Variants in CCDC85C observed in about 807,000 individuals in gnomAD.
The protein encoded by CCDC85C is coiled-coil domain containing 85C, also known as coiled-coil domain-containing protein 85C.
CCDC85C carries 18 observed loss-of-function variants against 38.3 expected under a neutral mutation model. The observed-to-expected ratio is 0.47, with a 90% CI of 0.33 to 0.70. CCDC85C has a LOEUF of 0.70. CCDC85C is among the 30% of genes least tolerant of loss of function. The pLI is 0.03. For synonymous variants in CCDC85C, 264 were observed against 293.8 expected (o/e 0.90, Z 1.04); for missense variants, 566 against 621.2 (o/e 0.91, Z 0.94).
At position 99,554,386 on chromosome 14, in the gene CCDC85C, G is replaced by A. The variant is rs114260367; in HGVS notation, c.794-18298C>T. On this transcript the variant is annotated intron_variant, in intron 1 of 5. Coordinates refer to ENST00000380243, the MANE Select transcript of CCDC85C (RefSeq NM_001144995.2). ...GCAAGGCCTCCGCCTGAGTGTGCCC[G>A]CCCGGCACAGCAGAAAGCCTGGCAC... Among the ~76,000 whole-genome samples the A allele has an allele frequency of 5.6e-3, 847 of 152,322 alleles. 12 individuals are homozygous for A. The highest frequency in any genetic ancestry group is 0.019 in the African/African-American group (798 of 41,576).
intron 1 of CCDC85C, among the ~76,000 whole-genome samples, chr14:99,585,356 G>A (rs1237383326): frequency 6.6e-6 from 1 of 152,224 alleles, no homozygotes; most frequent in Non-Finnish European, 1.5e-5. Context: ...CAGAGAGGTG[G>A]TGTGGGCAGG....
In CCDC85C at chr14:99,502,469, A is replaced by C; in HGVS notation, c.*12777T>G. 6.7e-7 allele frequency: 1 copy of C among 1,497,586 alleles called. No individual in the cohort carries two copies. The highest frequency in any genetic ancestry group is 1.4e-5 in the African/African-American group (1 of 71,562). 92.8% of individuals were successfully genotyped at this position (1,497,586 alleles called of 1,614,324 possible). On this transcript the variant is annotated 3_prime_UTR_variant, in exon 6 of 6. Transcript: ENST00000380243. The stretch of plus-strand genomic sequence containing the variant: ...GAGTCCCAAGAATGGATTTTCCCAG[A>C]TAGACATATGTGAGCAATATTTCAG...
chr14:99,600,021 G>T lies in CCDC85C; in HGVS notation c.793+3146C>A, dbSNP rs74990534. 1.5e-3 allele frequency among the ~76,000 whole-genome samples: 235 copies of T among 152,330 alleles called. 4 individuals are homozygous for T. The East Asian group carries it at 0.027, about 17-fold the overall frequency. ...CCTCCCACCTCAGCCACTAGAGTCT[G>T]CCCAGGGCACCCAGCAGGGCTGCAA... On this transcript the variant is annotated intron_variant, in intron 1 of 5. Coordinates refer to ENST00000380243, the MANE Select transcript of CCDC85C (RefSeq NM_001144995.2).
At chr14:99,517,301 C>A in intron 3 of CCDC85C, 118 bp from the exon 4 acceptor site, 1 of 780,960 alleles carries the variant, frequency 1.3e-6, no homozygotes, top group Non-Finnish European at 2.0e-6. Context: ...GAAAAGGGGA[C>A]CGGGGTGAGG....
At position 99,500,954 on chromosome 14, in the gene CCDC85C, A is replaced by G. The variant is rs1896808927; in HGVS notation, c.*14292T>C. ...GATGACACTCAAATTACGCTTCTCAAAAGCGGAAAACAAAGTTTGATGTGT... is the reference window on the plus strand; with the variant it reads ...GATGACACTCAAATTACGCTTCTCAGAAGCGGAAAACAAAGTTTGATGTGT... On this transcript the variant is annotated 3_prime_UTR_variant, in exon 6 of 6. Coordinates refer to ENST00000380243, the MANE Select transcript of CCDC85C (RefSeq NM_001144995.2). 2 of 878,284 alleles carry G rather than the reference A, an allele frequency of 2.3e-6. No individual in the cohort carries two copies. Among genetic ancestry groups the G allele is most frequent in the East Asian group, 2.7e-5 (1 of 37,424 alleles). The allele number at this position is 878,284 out of a possible 1,614,324, so 54.4% of individuals were successfully genotyped here.
chr14:99,501,091 C>G lies in CCDC85C; in HGVS notation c.*14155G>C, dbSNP rs956838107. ...TCCAGTTGCCAAGTGATGGGAGAGG[C>G]AGGAAAATGAGGCAGAATTTTTTAA... On this transcript the variant is annotated 3_prime_UTR_variant, in exon 6 of 6. Transcript: ENST00000380243. 18 of 599,088 alleles carry G rather than the reference C, an allele frequency of 3.0e-5. No homozygotes were observed. Among genetic ancestry groups the G allele is most frequent in the African/African-American group, 5.6e-5 (3 of 53,380 alleles). 37.1% of individuals were successfully genotyped at this position (599,088 alleles called of 1,614,324 possible).
At chr14:99,524,398 C>T (rs1031751564) in intron 2 of CCDC85C, among the ~76,000 whole-genome samples, 7 of 151,954 alleles carry the variant, frequency 4.6e-5, no homozygotes, top group African/African-American at 1.2e-4. Context: ...GTGCTGTTAC[C>T]GAAAACGCAG....
At position 99,504,879 on chromosome 14, in the gene CCDC85C, CTA is replaced by C. The variant is rs1896935596; in HGVS notation, c.*10365_*10366del. 6.6e-6 allele frequency: 1 copy of C among 152,198 alleles called. No homozygotes were observed. Among genetic ancestry groups the C allele is most frequent in the Non-Finnish European group, 1.5e-5 (1 of 68,078 alleles). 9.4% of individuals were successfully genotyped at this position (152,198 alleles called of 1,614,324 possible). On this transcript the variant is annotated 3_prime_UTR_variant, in exon 6 of 6. Transcript: ENST00000380243. ...AGGTCTGTCAGAGGCAGGAAACAAA[CTA>C]TATATGACCTTGAAGGAAGAGTTGC...
At chr14:99,552,885 TG>T (rs1297531034) in intron 1 of CCDC85C, among the ~76,000 whole-genome samples, 6 of 152,142 alleles carry the variant, frequency 3.9e-5, no homozygotes, top group Non-Finnish European at 5.9e-5. Context: ...CTTGGCACCG[TG>T]ACATCACTGG....
At chr14:99,570,730 C>G (rs1320956892) in intron 1 of CCDC85C, among the ~76,000 whole-genome samples, 1 of 152,150 alleles carries the variant, frequency 6.6e-6, no homozygotes, top group Non-Finnish European at 1.5e-5. Flanking sequence ...GGCCCCTGAG[C>G]AGAACAGAAA....
Position 99,503,688 on chromosome 14 carries a change from T to G in CCDC85C, c.*11558A>C. ...GTTTTTTTAGTTTTATGTGTTTATA[T>G]GCAAAACTTTAAATTCTTAGCCAAC... On this transcript the variant is annotated 3_prime_UTR_variant, in exon 6 of 6. Transcript: ENST00000380243. The G allele has an allele frequency of 6.8e-7, 1 of 1,475,586 alleles. No homozygotes were observed. The highest frequency in any genetic ancestry group is 9.2e-7 in the Non-Finnish European group (1 of 1,084,032). The allele number at this position is 1,475,586 out of a possible 1,614,324, so 91.4% of individuals were successfully genotyped here. A position where few individuals can be genotyped will look rare whatever the true frequency, so the allele number is the denominator to read the frequency against.
chr14:99,534,982 C>A, intron 2 of CCDC85C: 2 of 464,184 alleles, frequency 4.3e-6, no homozygotes, highest in East Asian at 3.9e-5. Flanking sequence ...CTGCTAATCC[C>A]ACCAGGCCCT....
chr14:99,510,126 G>A lies in CCDC85C; in HGVS notation c.*5120C>T. 6.4e-7 allele frequency: 1 copy of A among 1,573,964 alleles called. No individual in the cohort carries two copies. The highest frequency in any genetic ancestry group is 8.6e-7 in the Non-Finnish European group (1 of 1,165,316). ...TGAAAAAGCAACCATTGCTGGCGGA[G>A]GCCGGGCACTGATGCGTCTCTCTCC... On this transcript the variant is annotated 3_prime_UTR_variant, in exon 6 of 6. Transcript: ENST00000380243.
intron 1 of CCDC85C, among the ~76,000 whole-genome samples, chr14:99,542,363 C>T (rs777009840): frequency 6.6e-6 from 1 of 152,174 alleles, no homozygotes; most frequent in Non-Finnish European, 1.5e-5. Flanking sequence ...CCACCAACTG[C>T]GGGGAGCTCC....
chr14:99,535,505 C>T lies in CCDC85C; in HGVS notation c.867+510G>A, dbSNP rs1356378766. 2.6e-5 allele frequency among the ~76,000 whole-genome samples: 4 copies of T among 152,150 alleles called. No homozygotes were observed. Among genetic ancestry groups the T allele is most frequent in the African/African-American group, 9.7e-5 (4 of 41,426 alleles). ...CACAGCCCCTCACCCAACCCCACCTCCCCCCTACAGCCAACCCCTCCCACG... is the reference window on the plus strand; with the variant it reads ...CACAGCCCCTCACCCAACCCCACCTTCCCCCTACAGCCAACCCCTCCCACG... On this transcript the variant is annotated intron_variant, in intron 2 of 5. Transcript: ENST00000380243. This position sits in a 1 kb window ranked among gnomAD's most constrained non-coding sequence, Gnocchi z 5.5.
chr14:99,553,848 G>T (rs192392349), intron 1 of CCDC85C, among the ~76,000 whole-genome samples: 9 of 152,166 alleles, frequency 5.9e-5, no homozygotes, highest in Non-Finnish European at 1.3e-4. Flanking sequence ...GTCCACCCAC[G>T]GGAACAGCTC....
chr14:99,513,238 G>C lies in CCDC85C; in HGVS notation c.*2008C>G, dbSNP rs976044791. On this transcript the variant is annotated 3_prime_UTR_variant, in exon 6 of 6. Transcript: ENST00000380243. Reference sequence around the variant, plus strand: ...AACCTGACCCAAACATGATGCACACGGGCTCCCAGACTTGGCTGCCACTCA... The same window carrying C: ...AACCTGACCCAAACATGATGCACACCGGCTCCCAGACTTGGCTGCCACTCA... 1 of 152,052 alleles carries C rather than the reference G, an allele frequency of 6.6e-6. No individual in the cohort carries two copies. Among genetic ancestry groups the C allele is most frequent in the African/African-American group, 2.4e-5 (1 of 41,366 alleles). 9.4% of individuals were successfully genotyped at this position (152,052 alleles called of 1,614,324 possible).
At chr14:99,561,814 G>C (rs8014420) in intron 1 of CCDC85C, among the ~76,000 whole-genome samples, 86,022 of 152,092 alleles carry the variant, frequency 0.57, 25,058 homozygotes, top group African/African-American at 0.71. Flanking sequence ...GCAGGGAGAC[G>C]GCCTTAGGTT....
At chr14:99,582,535 G>A (rs536285284) in intron 1 of CCDC85C, among the ~76,000 whole-genome samples, 12 of 152,048 alleles carry the variant, frequency 7.9e-5, no homozygotes, top group South Asian at 2.1e-4. Flanking sequence ...ATGTTAAGTC[G>A]GCTGGGCACA....
Sources: allele counts gnomAD v4.1 joint callset (sites outside exome capture counted in the v4.1 genomes callset), GRCh38; gene constraint gnomAD v4.1.1; non-coding constraint Gnocchi (gnomAD v3.1); transcripts MANE v1.5; gene names NCBI Gene and HGNC (gene_info 2026-07-23, HGNC 2026-07-21).